The following HCK variants were observed in gnomAD, a reference collection of about 807,000 sequenced individuals.
HCK encodes HCK proto-oncogene, Src family tyrosine kinase, also known as tyrosine-protein kinase HCK.
In HCK, 40 loss-of-function variants were observed where a neutral mutation model predicts 70.4. That is an observed-to-expected ratio of 0.57 (90% CI 0.44 to 0.74). HCK has a LOEUF of 0.74. HCK is among the 30% of genes least tolerant of loss of function. The pLI is 0.00. For missense variants in HCK, 568 were observed against 697.2 expected (o/e 0.81, Z 2.09); for synonymous variants, 245 against 263.2 (o/e 0.93, Z 0.67).
intron 1 of HCK, among the ~76,000 whole-genome samples, chr20:32,066,132 C>T (rs2045453447): frequency 6.6e-6 from 1 of 151,940 alleles, no homozygotes; most frequent in South Asian, 2.1e-4. Flanking sequence ...AGGCCCTGGG[C>T]TACATAAACC....
At chr20:32,076,568 G>A (rs2122548029) in intron 5 of HCK, among the ~76,000 whole-genome samples, 1 of 152,292 alleles carries the variant, frequency 6.6e-6, no homozygotes, top group South Asian at 2.1e-4. Flanking sequence ...AACGCAGGGT[G>A]TAGACAACAT....
intron 12 of HCK, among the ~76,000 whole-genome samples, chr20:32,099,605 G>T (rs1489469294): frequency 6.6e-6 from 1 of 152,008 alleles, no homozygotes. Flanking sequence ...TGATGCGCCT[G>T]CCTCGGCCTC....
At chr20:32,088,890 T>C (rs928063471) in intron 10 of HCK, among the ~76,000 whole-genome samples, 3 of 152,200 alleles carry the variant, frequency 2.0e-5, no homozygotes, top group Non-Finnish European at 4.4e-5. Flanking sequence ...ACCATCCAAG[T>C]CCTAGTAGCT....
chr20:32,082,856 T>G (rs1269810323), intron 6 of HCK, among the ~76,000 whole-genome samples: 1 of 152,054 alleles, frequency 6.6e-6, no homozygotes, highest in Non-Finnish European at 1.5e-5. Context: ...TTTCCACTAC[T>G]TTTGAAGGCA....
At chr20:32,059,503 C>T (rs1439812069) in intron 1 of HCK, among the ~76,000 whole-genome samples, 1 of 36,220 alleles carries the variant, frequency 2.8e-5, no homozygotes, top group Non-Finnish European at 5.4e-5. Context: ...GCTTCTCTCT[C>T]TCTCTCTCTT....
At chr20:32,076,332 A>T (rs1428296340) in intron 5 of HCK, among the ~76,000 whole-genome samples, 7 of 152,064 alleles carry the variant, frequency 4.6e-5, no homozygotes, top group African/African-American at 1.7e-4. Context: ...CTGTCAAAAA[A>T]AAACAATTAT....
At chr20:32,083,605 G>A in intron 6 of HCK, among the ~76,000 whole-genome samples, 1 of 152,236 alleles carries the variant, frequency 6.6e-6, no homozygotes, top group East Asian at 1.9e-4. Flanking sequence ...TAGCCGTCAG[G>A]CAATAGGATC....
intron 11 of HCK, among the ~76,000 whole-genome samples, chr20:32,098,144 T>C (rs1349213812): frequency 6.6e-6 from 1 of 151,894 alleles, no homozygotes; most frequent in Non-Finnish European, 1.5e-5. Context: ...ATCCCCTGGG[T>C]TCAAGTGATT....
chr20:32,052,251 C>T lies in HCK; in HGVS notation c.-174C>T, dbSNP rs1242015474. 1 of 475,772 alleles carries T rather than the reference C, an allele frequency of 2.1e-6. No homozygotes were observed. The highest frequency in any genetic ancestry group is 3.5e-6 in the Non-Finnish European group (1 of 283,678). 29.5% of individuals were successfully genotyped at this position (475,772 alleles called of 1,614,324 possible). A position where few individuals can be genotyped will look rare whatever the true frequency, so the allele number is the denominator to read the frequency against. On this transcript the variant is annotated 5_prime_UTR_variant, in exon 1 of 13. Transcript: ENST00000375852. ...ATGGCCTGCGGGCGCCACCACGTCCCTGGTCCCAGCTCGGGAGCACATCAG... is the reference window on the plus strand; with the variant it reads ...ATGGCCTGCGGGCGCCACCACGTCCTTGGTCCCAGCTCGGGAGCACATCAG...
At chr20:32,099,827 G>T (rs1290947495) in intron 12 of HCK, among the ~76,000 whole-genome samples, 1 of 151,564 alleles carries the variant, frequency 6.6e-6, no homozygotes, top group African/African-American at 2.4e-5. Flanking sequence ...CTCCCTCCTC[G>T]TCCTACAGCC....
intron 5 of HCK, among the ~76,000 whole-genome samples, chr20:32,078,636 C>A (rs1262344105): frequency 6.6e-6 from 1 of 151,836 alleles, no homozygotes; most frequent in African/African-American, 2.4e-5. Flanking sequence ...GTGGATGGAT[C>A]ACCTGAGTTC....
intron 10 of HCK, 80 bp from the exon 11 acceptor site, chr20:32,093,783 C>CACCT: frequency 7.3e-7 from 1 of 1,362,810 alleles, no homozygotes; most frequent in Non-Finnish European, 1.0e-6. Context: ...TTCACTTGAA[C>CACCT]ACCTCTCTGC....
chr20:32,089,916 AAGGAGTTCAGCCTACTCAGC>A (rs976636062), intron 10 of HCK, among the ~76,000 whole-genome samples: 1 of 152,254 alleles, frequency 6.6e-6, no homozygotes, highest in African/African-American at 2.4e-5. Flanking sequence ...AAAGTAGGTG[AAGGAGTTCAGCCTACTCAGC>A]AGGAGCCCAG....
At chr20:32,074,205 A>G (rs771506527) in intron 4 of HCK, among the ~76,000 whole-genome samples, 18 of 152,154 alleles carry the variant, frequency 1.2e-4, no homozygotes, top group South Asian at 4.1e-4. Context: ...TATAGTGTCC[A>G]GGATGTGCTG....
chr20:32,095,501 C>A (rs1281700799), intron 11 of HCK, among the ~76,000 whole-genome samples: 4 of 152,150 alleles, frequency 2.6e-5, no homozygotes, highest in African/African-American at 9.7e-5. Flanking sequence ...AAGTGATCCG[C>A]CCGCCTTGGC....
intron 2 of HCK, 89 bp downstream of exon 2, chr20:32,071,871 C>T: frequency 6.6e-7 from 1 of 1,509,330 alleles, no homozygotes; most frequent in Non-Finnish European, 8.9e-7. Context: ...CAAGGTTGGG[C>T]AGGGTGAGCT....
intron 2 of HCK, among the ~76,000 whole-genome samples, chr20:32,072,855 T>C (rs764494222): frequency 6.6e-6 from 1 of 152,126 alleles, no homozygotes; most frequent in African/African-American, 2.4e-5. Context: ...CTGGGCACAG[T>C]GGCTCACTCC....
At chr20:32,089,428 G>A (rs1337814522) in intron 10 of HCK, among the ~76,000 whole-genome samples, 3 of 152,190 alleles carry the variant, frequency 2.0e-5, no homozygotes, top group Non-Finnish European at 4.4e-5. Context: ...TAATTATGGG[G>A]GATATAGCAG....
rs2297303 is a variant in HCK, at chr20:32,073,449, A to T, written c.226+88A>T. 8.2e-3 allele frequency: 9,679 copies of T among 1,178,490 alleles called. 252 individuals carry two copies. The highest frequency in any genetic ancestry group is 0.08 in the African/African-American group (5,189 of 65,004). 73.0% of individuals were successfully genotyped at this position (1,178,490 alleles called of 1,614,324 possible). ...CCCTTAGCTTGAGGCATAAATCCCA[A>T]ACAGTCAAACCCCTGTCGAGAATCC... On this transcript the variant is annotated intron_variant, in intron 3 of 12. Coordinates refer to ENST00000375852, the MANE Select transcript of HCK (RefSeq NM_002110.5).
Sources: allele counts gnomAD v4.1 joint callset (sites outside exome capture counted in the v4.1 genomes callset), GRCh38; gene constraint gnomAD v4.1.1; transcripts MANE v1.5; gene names NCBI Gene and HGNC (gene_info 2026-07-23, HGNC 2026-07-21).